Variants in PMPCA observed in about 807,000 individuals in gnomAD.
PMPCA encodes mitochondrial-processing peptidase subunit alpha.
Under a neutral mutation model 59.3 loss-of-function variants are expected in PMPCA, and 47 were observed. The observed-to-expected ratio is 0.79, with a 90% CI of 0.63 to 1.01. The LOEUF (loss-of-function observed/expected upper bound fraction) is 1.01. PMPCA is among the 50% of genes least tolerant of loss of function. The pLI is 0.00. For missense variants in PMPCA, 726 were observed against 704.5 expected (o/e 1.03, Z -0.34); for synonymous variants, 338 against 290.3 (o/e 1.16, Z -1.67).
chr9:136,413,600 A>G (rs1835194172), intron 4 of PMPCA, among the ~76,000 whole-genome samples: 1 of 152,178 alleles, frequency 6.6e-6, no homozygotes, highest in African/African-American at 2.4e-5. Flanking sequence ...TTCTAAAACA[A>G]GGCCTCTTAA....
intron 8 of PMPCA, among the ~76,000 whole-genome samples, 177 bp from the exon 9 acceptor site, chr9:136,418,378 G>A (rs990381171): frequency 7.4e-5 from 11 of 147,946 alleles, no homozygotes; most frequent in South Asian, 6.4e-4. Context: ...GGCATCCGAC[G>A]GCGCTCCTGA....
intron 4 of PMPCA, 129 bp from the exon 5 acceptor site, chr9:136,414,424 G>A (rs1407312503): frequency 2.9e-6 from 2 of 679,370 alleles, no homozygotes; most frequent in Admixed American, 4.2e-5. Context: ...AGTGTCCCCT[G>A]GCTGTTGAGC....
At position 136,417,093 on chromosome 9, in the gene PMPCA, A is replaced by G. The variant is rs1225789144; in HGVS notation, c.776A>G (p.Glu259Gly). 6.2e-7 allele frequency: 1 copy of G among 1,613,800 alleles called. No individual in the cohort carries two copies. Among genetic ancestry groups the G allele is most frequent in the African/African-American group, 1.3e-5 (1 of 74,900 alleles). Residue 259 changes from glutamate to glycine, a missense_variant, in exon 7 of 13, where the codon GAG becomes GGG. Coordinates refer to ENST00000371717, the MANE Select transcript of PMPCA (RefSeq NM_015160.3). ...ATGGTGCTGGCCGGCGTGGGCGTGG[A>G]GCACGAGCATCTGGTGGACTGTGCC... ...DRMVLAGVGV[E>G]HEHLVDCARK...
At chr9:136,415,091 AAAAG>A (rs949799020) in intron 5 of PMPCA, among the ~76,000 whole-genome samples, 11 of 152,208 alleles carry the variant, frequency 7.2e-5, no homozygotes, top group African/African-American at 1.4e-4. Context: ...TTGTCTCAAA[AAAAG>A]AAAGAAAGGA....
chr9:136,412,677 G>A, intron 3 of PMPCA, 108 bp downstream of exon 3: 3 of 783,348 alleles, frequency 3.8e-6, no homozygotes, highest in East Asian at 2.5e-5. Flanking sequence ...CTAAGTTAAT[G>A]TTAATAAAAG....
At chr9:136,422,615 G>A (rs10870167) in intron 12 of PMPCA, 174,356 of 1,004,368 alleles carry the variant, frequency 0.17, 15,843 homozygotes, top group Admixed American at 0.22. Context: ...AGGAGCCCCC[G>A]CTTAAATCCT....
At position 136,410,679 on chromosome 9, in the gene PMPCA, T is replaced by A. The variant is rs76293177; in HGVS notation, c.11T>A (p.Val4Glu). 2.0e-5 allele frequency: 28 copies of A among 1,414,852 alleles called. No individual in the cohort carries two copies. In the East Asian group the frequency reaches 4.4e-4, roughly 22 times the overall value. The allele number at this position is 1,414,852 out of a possible 1,614,324, so 87.6% of individuals were successfully genotyped here. A position where few individuals can be genotyped will look rare whatever the true frequency, so the allele number is the denominator to read the frequency against. The stretch of plus-strand genomic sequence containing the variant: ...GGGCGGAGACGCAAGATGGCGGCTG[T>A]GGTGCTGGCGGCGACGCGGTTGCTG... The part of the protein sequence containing the change: MAA[V>E]VLAATRLLRG... Residue 4 changes from valine to glutamate, a missense_variant, in exon 1 of 13, where the codon GTG becomes GAG. Coordinates refer to ENST00000371717, the MANE Select transcript of PMPCA (RefSeq NM_015160.3).
Position 136,418,542 on chromosome 9 carries a change from TCC to T in PMPCA, c.991-12_991-11del. The T allele has an allele frequency of 6.4e-7, 1 of 1,551,002 alleles. No homozygotes were observed. Among genetic ancestry groups the T allele is most frequent in the Non-Finnish European group, 8.9e-7 (1 of 1,122,878 alleles). On this transcript the variant is annotated splice_polypyrimidine_tract_variant and intron_variant, in intron 8 of 12. Transcript: ENST00000371717. ...GTGGGTGGTTCAGCCAGCTCTGCCC[TCC>T]GTCCCTGCAGGAGGAGGACTTCATC...
rs757626111 is a variant in PMPCA, at chr9:136,416,381, T to A, written c.623T>A (p.Met208Lys). ...GACCCAGAGCCACTTCTCACCGAGA[T>A]GATTCATGAAGTAAAATGTCAAACT... is the stretch of plus-strand genomic sequence containing the variant. ...RPDPEPLLTE[M>K]IHEAAYRENT... Residue 208 changes from methionine (M) to lysine (K), a missense_variant, in exon 6 of 13, where the codon ATG becomes AAG. Met to Lys is a moderately conservative substitution (Grantham distance 95, BLOSUM62 -1). Coordinates refer to ENST00000371717, the MANE Select transcript of PMPCA (RefSeq NM_015160.3). 5 of 1,610,824 alleles carry A rather than the reference T, an allele frequency of 3.1e-6. No individual in the cohort carries two copies. In the South Asian group the frequency reaches 5.5e-5, roughly 18 times the overall value.
intron 1 of PMPCA, 150 bp from the exon 2 acceptor site, chr9:136,411,847 C>G: frequency 3.1e-6 from 2 of 636,166 alleles, no homozygotes; most frequent in Admixed American, 2.5e-5. Context: ...TCAGCCTCTG[C>G]TTTGTCTTCC....
chr9:136,417,257 G>A (rs748465756), intron 7 of PMPCA, 43 bp downstream of exon 7: 43 of 1,511,902 alleles, frequency 2.8e-5, no homozygotes, highest in Admixed American at 2.1e-4. Context: ...TGGGGAACAC[G>A]TCCCCTGGCC....
At chr9:136,421,435 A>G (rs1460818004) in intron 11 of PMPCA, among the ~76,000 whole-genome samples, 1 of 100,480 alleles carries the variant, frequency 1.0e-5, no homozygotes, top group African/African-American at 3.2e-5. Context: ...TTTGAGACAG[A>G]GTCTTGCTCT....
At chr9:136,411,841 C>T (rs1051779396) in intron 1 of PMPCA, among the ~76,000 whole-genome samples, 156 bp from the exon 2 acceptor site, 1 of 152,222 alleles carries the variant, frequency 6.6e-6, no homozygotes, top group Non-Finnish European at 1.5e-5. Flanking sequence ...TTGTTGTCAG[C>T]CTCTGCTTTG....
At chr9:136,412,221 TG>T in intron 2 of PMPCA, 22 bp downstream of exon 2, 1 of 1,561,620 alleles carries the variant, frequency 6.4e-7, no homozygotes, top group Non-Finnish European at 8.8e-7. Context: ...TGTGTTGTCG[TG>T]GGTGGTCCCG....
At chr9:136,418,734 C>A in intron 9 of PMPCA, 61 bp downstream of exon 9, 2 of 1,492,896 alleles carry the variant, frequency 1.3e-6, no homozygotes, top group South Asian at 1.1e-5. Context: ...TGTTTTTGGA[C>A]CATGAGGCCA....
At chr9:136,418,952 G>A (rs749529626) in intron 10 of PMPCA, 34 bp downstream of exon 10, 2 of 1,606,286 alleles carry the variant, frequency 1.2e-6, no homozygotes, top group Non-Finnish European at 1.7e-6. Flanking sequence ...CCTCAGTGCG[G>A]TTGCCTGTCC....
At chr9:136,415,000 A>G (rs1452829546) in intron 5 of PMPCA, among the ~76,000 whole-genome samples, 1 of 152,156 alleles carries the variant, frequency 6.6e-6, no homozygotes, top group Non-Finnish European at 1.5e-5. Context: ...AGGTAGGAAG[A>G]TCGTTTGAGC....
At chr9:136,422,507 GGT>G in intron 12 of PMPCA, 1 of 1,028,260 alleles carries the variant, frequency 9.7e-7, no homozygotes, top group Non-Finnish European at 1.2e-6. Context: ...ATTACGTTGG[GGT>G]GGCTCGGGCT....
chr9:136,418,351 C>A, intron 8 of PMPCA, among the ~76,000 whole-genome samples: 1 of 150,794 alleles, frequency 6.6e-6, no homozygotes, highest in South Asian at 2.1e-4. Context: ...GCTCAGCTAG[C>A]TCTGCCCTTT....
Sources: allele counts gnomAD v4.1 joint callset (sites outside exome capture counted in the v4.1 genomes callset), GRCh38; gene constraint gnomAD v4.1.1; transcripts MANE v1.5; gene names NCBI Gene and HGNC (gene_info 2026-07-23, HGNC 2026-07-21).